The following DAB1 variants were observed in gnomAD, a reference collection of about 807,000 sequenced individuals.
DAB1 encodes DAB adaptor protein 1, also known as disabled homolog 1.
Under a neutral mutation model 64.6 loss-of-function variants are expected in DAB1, and 15 were observed. The observed-to-expected ratio is 0.23, with a 90% CI of 0.16 to 0.36. The LOEUF is 0.36. DAB1 is among the 10% of genes least tolerant of loss of function. DAB1 has a pLI of 1.00. For synonymous variants in DAB1, 235 were observed against 251.9 expected, an observed-to-expected ratio of 0.93 and a Z score of 0.64; for missense variants, 596 against 706.7, an observed-to-expected ratio of 0.84 and a Z score of 1.78.
Position 57,141,876 on chromosome 1 carries a change from A to C in DAB1, c.207+3414T>G, listed in dbSNP as rs1344490946. On this transcript the variant is annotated intron_variant, in intron 3 of 14. Coordinates refer to ENST00000371236, the MANE Select transcript of DAB1 (RefSeq NM_001365792.1). Reference sequence around the variant, plus strand: ...TAAACGCAAATACAAAACAGAATACAATTACGGGCAAAACTGTGTCTTGTC... The same window carrying C: ...TAAACGCAAATACAAAACAGAATACCATTACGGGCAAAACTGTGTCTTGTC... 2.0e-5 allele frequency among the ~76,000 whole-genome samples: 3 copies of C among 152,090 alleles called. No homozygotes were observed. In the East Asian group the frequency reaches 5.8e-4, roughly 29 times the overall value.
intron 4 of DAB1, among the ~76,000 whole-genome samples, chr1:57,134,241 T>C (rs1192455836): frequency 6.6e-6 from 1 of 152,104 alleles, no homozygotes; most frequent in Non-Finnish European, 1.5e-5. Flanking sequence ...TTCCATTCCT[T>C]GAGGTCACAC....
chr1:58,509,298 T>C (rs977366032), intron 2 of DAB1, among the ~76,000 whole-genome samples: 5 of 151,516 alleles, frequency 3.3e-5, no homozygotes, highest in African/African-American at 1.2e-4. Flanking sequence ...GTCAGAACAA[T>C]GTACGAACAA....
chr1:58,181,092 A>G (rs1041067995), intron 4 of DAB1, among the ~76,000 whole-genome samples: 5 of 152,142 alleles, frequency 3.3e-5, no homozygotes, highest in African/African-American at 1.2e-4. Context: ...CTATTATTAC[A>G]GAATTGCCTA....
chr1:58,246,884 G>A (rs1320465959), intron 4 of DAB1, among the ~76,000 whole-genome samples: 1 of 152,002 alleles, frequency 6.6e-6, no homozygotes, highest in African/African-American at 2.4e-5. Flanking sequence ...GTGTGTGGGT[G>A]TGAGGGTAGT....
intron 7 of DAB1, among the ~76,000 whole-genome samples, chr1:57,534,457 C>A (rs904552992): frequency 4.6e-5 from 7 of 152,176 alleles, no homozygotes; most frequent in African/African-American, 1.2e-4. Flanking sequence ...CTGCAGATCC[C>A]ATTGACTTTT....
intron 5 of DAB1, among the ~76,000 whole-genome samples, chr1:58,073,627 G>A (rs1305348066): frequency 6.6e-6 from 1 of 152,188 alleles, no homozygotes; most frequent in African/African-American, 2.4e-5. Flanking sequence ...ATTAATGGTT[G>A]CAGCCCCAGC....
chr1:57,577,354 T>C (rs1263263209), intron 7 of DAB1, among the ~76,000 whole-genome samples: 3 of 151,924 alleles, frequency 2.0e-5, no homozygotes, highest in Non-Finnish European at 4.4e-5. Flanking sequence ...AGTTGGAGAC[T>C]CCATGTTTGA....
chr1:58,530,129 C>T (rs1489055258), intron 1 of DAB1, among the ~76,000 whole-genome samples: 2 of 152,204 alleles, frequency 1.3e-5, no homozygotes, highest in African/African-American at 4.8e-5. Context: ...GATCCACCCA[C>T]CTTGGCCTCC....
chr1:58,006,049 T>C (rs1396443256), intron 5 of DAB1, among the ~76,000 whole-genome samples: 2 of 152,210 alleles, frequency 1.3e-5, no homozygotes, highest in African/African-American at 4.8e-5. Flanking sequence ...CTACTATTGA[T>C]TGATGTGTGA....
intron 6 of DAB1, among the ~76,000 whole-genome samples, chr1:57,717,116 G>A (rs539493659): frequency 7.2e-5 from 11 of 152,086 alleles, no homozygotes; most frequent in Admixed American, 3.9e-4. Context: ...GTGGGCGCCT[G>A]TAATCCCAGC....
At chr1:57,338,603 C>T (rs570441547) in intron 1 of DAB1, among the ~76,000 whole-genome samples, 70 of 152,250 alleles carry the variant, frequency 4.6e-4, no homozygotes, top group Admixed American at 1.2e-3. Context: ...CTTTTAGAAG[C>T]AAATGGATGT....
intron 2 of DAB1, among the ~76,000 whole-genome samples, chr1:57,162,101 C>T (rs1301743668): frequency 6.6e-6 from 1 of 152,178 alleles, no homozygotes; most frequent in African/African-American, 2.4e-5. Flanking sequence ...TGAAAAGATG[C>T]ATTTTCCCTG....
At chr1:57,696,183 G>A (rs1180425198) in intron 6 of DAB1, among the ~76,000 whole-genome samples, 1 of 152,036 alleles carries the variant, frequency 6.6e-6, no homozygotes, top group African/African-American at 2.4e-5. Context: ...ATTTCTTGAG[G>A]TCAGAGACCT....
intron 5 of DAB1, among the ~76,000 whole-genome samples, chr1:58,140,500 G>C (rs903602174): frequency 6.6e-6 from 1 of 151,998 alleles, no homozygotes; most frequent in Non-Finnish European, 1.5e-5. Context: ...GCTTCCCTTT[G>C]CTCATAATCT....
At position 57,782,450 on chromosome 1, in the gene DAB1, G is replaced by C. The variant is rs1009846668; in HGVS notation, n.551+101549C>G. On this transcript the variant is annotated intron_variant and non_coding_transcript_variant, in intron 6 of 20. Coordinates refer to the DAB1 transcript ENST00000485760. ...ATTTGTGATTTCCTATGCTACCCAC[G>C]ATGTCTCGATCTGTGCAAACACTCA... 3.3e-5 allele frequency among the ~76,000 whole-genome samples: 5 copies of C among 152,134 alleles called. No homozygotes were observed. In the South Asian group the frequency reaches 6.2e-4, roughly 19 times the overall value.
At position 58,479,565 on chromosome 1, in the gene DAB1, A is replaced by C. The variant is rs988056960; in HGVS notation, n.257+26495T>G. ...CTGCCTCATCTATGCTTTTCATGTCAATTTTGATAGAAGGGTCTGAGAGAA... is the reference window on the plus strand; with the variant it reads ...CTGCCTCATCTATGCTTTTCATGTCCATTTTGATAGAAGGGTCTGAGAGAA... On this transcript the variant is annotated intron_variant and non_coding_transcript_variant, in intron 3 of 20. Coordinates refer to the DAB1 transcript ENST00000485760. Among the ~76,000 whole-genome samples the C allele has an allele frequency of 8.8e-5, 13 of 147,366 alleles. 1 individual carries two copies. The East Asian group carries it at 3.0e-3, about 34-fold the overall frequency.
intron 2 of DAB1, among the ~76,000 whole-genome samples, chr1:57,198,649 T>TCTCACA (rs1477522407): frequency 0.012 from 1,585 of 128,256 alleles, 13 homozygotes; most frequent in Non-Finnish European, 0.017. Context: ...CTTCTCTCTC[T>TCTCACA]CACACACACA....
intron 3 of DAB1, among the ~76,000 whole-genome samples, chr1:58,469,983 G>C (rs879849954): frequency 6.6e-6 from 1 of 151,806 alleles, no homozygotes. Context: ...TTCAATAAAC[G>C]TTTGTAGAAG....
At chr1:58,268,428 T>G (rs931654314) in intron 4 of DAB1, among the ~76,000 whole-genome samples, 2 of 152,134 alleles carry the variant, frequency 1.3e-5, no homozygotes, top group Non-Finnish European at 2.9e-5. Context: ...AAAGGAAACT[T>G]GGGCAGTTAA....
Sources: allele counts gnomAD v4.1 joint callset (sites outside exome capture counted in the v4.1 genomes callset), GRCh38; gene constraint gnomAD v4.1.1; transcripts MANE v1.5; gene names NCBI Gene and HGNC (gene_info 2026-07-23, HGNC 2026-07-21).